The following MELK variants were observed in gnomAD, a reference collection of about 807,000 sequenced individuals.
The protein encoded by MELK is maternal embryonic leucine zipper kinase, also known as pEg3 kinase.
MELK carries 81 observed loss-of-function variants against 85.0 expected under a neutral mutation model. That is an observed-to-expected ratio of 0.95 (90% CI 0.80 to 1.15). MELK has a LOEUF of 1.15. Ranked by LOEUF, MELK falls within the 50% of genes most tolerant of loss-of-function variation. MELK has a pLI of 0.00. For missense variants in MELK, 754 were observed against 777.5 expected, an observed-to-expected ratio of 0.97 and a Z score of 0.36; for synonymous variants, 252 against 265.0, an observed-to-expected ratio of 0.95 and a Z score of 0.48.
At chr9:36,624,838 A>G (rs1003280692) in intron 8 of MELK, among the ~76,000 whole-genome samples, 17 of 152,090 alleles carry the variant, frequency 1.1e-4, no homozygotes, top group African/African-American at 3.9e-4. Flanking sequence ...TGTCTTTTTT[A>G]TTATGATAGA....
chr9:36,618,112 G>A (rs1258620973), intron 8 of MELK, among the ~76,000 whole-genome samples: 2 of 149,598 alleles, frequency 1.3e-5, no homozygotes, highest in African/African-American at 2.5e-5. Context: ...CCAGGCCATA[G>A]ACTCCATGTC....
At chr9:36,638,443 G>A (rs528567198) in intron 10 of MELK, among the ~76,000 whole-genome samples, 5 of 151,956 alleles carry the variant, frequency 3.3e-5, no homozygotes, top group Admixed American at 6.6e-5. Flanking sequence ...GCGCCACCAC[G>A]CCCAGCTAAT....
At chr9:36,668,022 G>A (rs1044779193) in intron 14 of MELK, among the ~76,000 whole-genome samples, 1 of 152,084 alleles carries the variant, frequency 6.6e-6, no homozygotes, top group Non-Finnish European at 1.5e-5. Flanking sequence ...CACCTGCCTC[G>A]GCCTCCCAAA....
In MELK at chr9:36,610,267, C is replaced by T. The variant is rs114077188; in HGVS notation, c.666+2594C>T. ...GGCTTGTTGCCCACTCCATAGAACA[C>T]CAAGTCTAAGGACACTGAGTTCAAT... On this transcript the variant is annotated intron_variant, in intron 8 of 17. Coordinates refer to ENST00000298048, the MANE Select transcript of MELK (RefSeq NM_014791.4). Among the ~76,000 whole-genome samples the T allele has an allele frequency of 3.3e-3, 505 of 152,308 alleles. 2 individuals carry two copies. Among genetic ancestry groups the T allele is most frequent in the African/African-American group, 0.011 (477 of 41,572 alleles).
intron 13 of MELK, among the ~76,000 whole-genome samples, chr9:36,664,200 C>T (rs1010177975): frequency 2.0e-5 from 3 of 151,830 alleles, no homozygotes; most frequent in South Asian, 2.1e-4. Flanking sequence ...TTTTGGTAGT[C>T]TTTTGTTCTT....
Position 36,625,117 on chromosome 9 carries a change from C to T in MELK, c.667-5182C>T, listed in dbSNP as rs533501758. Among the ~76,000 whole-genome samples the T allele has an allele frequency of 1.8e-3, 269 of 152,176 alleles. 3 individuals are homozygous for T. Among genetic ancestry groups the T allele is most frequent in the Middle Eastern group, 6.8e-3 (2 of 292 alleles). ...TAGTGTCCAGAGAGTAAGCAGCAAA[C>T]GGCTTTGCAAACAGCAGAGGGAAGA... On this transcript the variant is annotated intron_variant, in intron 8 of 17. Transcript: ENST00000298048.
chr9:36,605,670 A>G (rs1355173345), intron 7 of MELK, among the ~76,000 whole-genome samples: 1 of 151,890 alleles, frequency 6.6e-6, no homozygotes, highest in African/African-American at 2.4e-5. Flanking sequence ...TTCACTTGAG[A>G]CGTCATAGTA....
At position 36,665,598 on chromosome 9, in the gene MELK, T is replaced by G; in HGVS notation, c.1408+17T>G. 6.4e-7 allele frequency: 1 copy of G among 1,569,618 alleles called. No homozygotes were observed. ...CCTCAAAAGGTATTTGCTAAGTGAATTAAGCAGTAAGAAGTTTCATTTTTC... is the reference window on the plus strand; with the variant it reads ...CCTCAAAAGGTATTTGCTAAGTGAAGTAAGCAGTAAGAAGTTTCATTTTTC... On this transcript the variant is annotated intron_variant, in intron 14 of 17. Coordinates refer to ENST00000298048, the MANE Select transcript of MELK (RefSeq NM_014791.4).
chr9:36,654,282 C>G (rs1830999879), intron 12 of MELK, among the ~76,000 whole-genome samples: 1 of 150,292 alleles, frequency 6.7e-6, no homozygotes, highest in Non-Finnish European at 1.5e-5. Context: ...ATCACTTTCA[C>G]TAAATTTTAA....
rs532252047 is a variant in MELK at position 36,662,979 on chromosome 9, A to G, written c.1177-2371A>G. Among the ~76,000 whole-genome samples the G allele has an allele frequency of 2.0e-5, 3 of 152,078 alleles. No individual in the cohort carries two copies. The East Asian group carries it at 5.8e-4, about 29-fold the overall frequency. The stretch of plus-strand genomic sequence containing the variant: ...ATTTCTTTTATGTATCCAGTTCATG[A>G]TTCATCATGCTTTCTATGTATGGGG... On this transcript the variant is annotated intron_variant, in intron 13 of 17. Coordinates refer to ENST00000298048, the MANE Select transcript of MELK (RefSeq NM_014791.4).
intron 13 of MELK, 25 bp downstream of exon 13, chr9:36,657,388 A>C: frequency 6.4e-7 from 1 of 1,572,792 alleles, no homozygotes; most frequent in Non-Finnish European, 8.6e-7. Context: ...TTACTATTTA[A>C]GGCAGAATCT....
chr9:36,621,351 C>T (rs189264517), intron 8 of MELK, among the ~76,000 whole-genome samples: 38 of 135,028 alleles, frequency 2.8e-4, no homozygotes, highest in African/African-American at 9.8e-4. Context: ...CTAAGTGTTC[C>T]GAGTATTGGT....
chr9:36,651,763 C>T lies in MELK; in HGVS notation c.939C>T (p.Leu313=). 3 of 1,613,960 alleles carry T rather than the reference C, an allele frequency of 1.9e-6. No homozygotes were observed. Among genetic ancestry groups the T allele is most frequent in the African/African-American group, 2.7e-5 (2 of 75,038 alleles). Residue 313 remains leucine, a synonymous_variant, in exon 12 of 18, where the codon CTC becomes CTT. Transcript: ENST00000298048. ...DLISLWQYDH[L]TATYLLLLAK... is the part of the protein sequence containing the mutation. The stretch of plus-strand genomic sequence containing the variant: ...TCCTTTAGTGGCAGTATGATCACCT[C>T]ACGGCTACCTATCTTCTGCTTCTAG...
At chr9:36,586,723 T>C (rs1233498084) in intron 3 of MELK, among the ~76,000 whole-genome samples, 3 of 152,230 alleles carry the variant, frequency 2.0e-5, no homozygotes, top group African/African-American at 7.2e-5. Flanking sequence ...ACACTGATGC[T>C]CAAAACTTAT....
intron 8 of MELK, among the ~76,000 whole-genome samples, chr9:36,611,491 C>T (rs929649169): frequency 3.3e-5 from 5 of 152,172 alleles, no homozygotes; most frequent in African/African-American, 1.2e-4. Flanking sequence ...CATAGTTGCA[C>T]ATTAGAATTG....
intron 11 of MELK, among the ~76,000 whole-genome samples, chr9:36,646,446 A>T (rs1249408691): frequency 6.6e-6 from 1 of 151,844 alleles, no homozygotes; most frequent in African/African-American, 2.4e-5. Context: ...ACTTATAAGA[A>T]CTCCCACTTT....
intron 11 of MELK, among the ~76,000 whole-genome samples, chr9:36,645,970 G>C (rs911993444): frequency 1.3e-5 from 2 of 152,198 alleles, no homozygotes; most frequent in African/African-American, 4.8e-5. Context: ...GTCTAGCTCA[G>C]TTCTCAACCA....
At chr9:36,650,385 G>T (rs1471139991) in intron 11 of MELK, among the ~76,000 whole-genome samples, 2 of 152,088 alleles carry the variant, frequency 1.3e-5, no homozygotes, top group Admixed American at 1.3e-4. Context: ...TCACACCAAG[G>T]CCTGTTCTAG....
chr9:36,631,579 T>TA (rs973622182), intron 9 of MELK, among the ~76,000 whole-genome samples: 7 of 151,090 alleles, frequency 4.6e-5, no homozygotes, highest in South Asian at 2.1e-4. Flanking sequence ...CCTCTTTTTT[T>TA]AAAAAAAAAT....
Sources: gnomAD v4.1 joint callset for allele counts (sites outside exome capture counted in the v4.1 genomes callset) on GRCh38, gnomAD v4.1.1 for gene constraint, MANE v1.5 for transcripts, NCBI Gene and HGNC (gene_info 2026-07-23, HGNC 2026-07-21) for gene names.